NOL4L: variants seen among roughly 807,000 people sequenced by gnomAD.
The protein encoded by NOL4L is nucleolar protein 4-like.
In NOL4L, 7 loss-of-function variants were observed where a neutral mutation model predicts 64.5. That is an observed-to-expected ratio of 0.11 (90% CI 0.06 to 0.20). The LOEUF is 0.20. Ranked by LOEUF, NOL4L falls within the 10% of genes least tolerant of loss-of-function variation. NOL4L has a pLI of 1.00. For synonymous variants in NOL4L, 413 were observed against 401.0 expected, an observed-to-expected ratio of 1.03 and a Z score of -0.36; for missense variants, 680 against 967.1, an observed-to-expected ratio of 0.70 and a Z score of 3.94.
intron 4 of NOL4L, among the ~76,000 whole-genome samples, chr20:32,481,593 C>T (rs1386452981): frequency 6.6e-6 from 1 of 152,114 alleles, no homozygotes; most frequent in Non-Finnish European, 1.5e-5. Context: ...TCCCACTGTG[C>T]GGCAGGAAGG....
At chr20:32,552,682 C>T (rs1326368132) in intron 1 of NOL4L, among the ~76,000 whole-genome samples, 1 of 151,308 alleles carries the variant, frequency 6.6e-6, no homozygotes, top group Non-Finnish European at 1.5e-5. Context: ...AGAGAGACTC[C>T]GTCTCAAAAC....
At chr20:32,515,814 G>A (rs1348214304) in intron 3 of NOL4L, among the ~76,000 whole-genome samples, 1 of 152,154 alleles carries the variant, frequency 6.6e-6, no homozygotes, top group East Asian at 1.9e-4. Context: ...CAAGGGTCAC[G>A]GAGCCTAAAT....
At chr20:32,530,329 CAGG>C (rs1030078763) in intron 1 of NOL4L, among the ~76,000 whole-genome samples, 8 of 151,842 alleles carry the variant, frequency 5.3e-5, no homozygotes, top group African/African-American at 1.9e-4. Context: ...ATCATGAGGT[CAGG>C]AGATCGAGAC....
At chr20:32,535,712 T>C (rs1476969592) in intron 1 of NOL4L, 3 of 985,322 alleles carry the variant, frequency 3.0e-6, no homozygotes, top group Non-Finnish European at 3.6e-6. Context: ...GTCTTTTTTC[T>C]CTTTCTTTTG....
At chr20:32,521,556 A>T (rs1436787882) in intron 2 of NOL4L, among the ~76,000 whole-genome samples, 1 of 152,114 alleles carries the variant, frequency 6.6e-6, no homozygotes. Context: ...ACTAAACCCC[A>T]TGTTCCAGGT....
intron 4 of NOL4L, among the ~76,000 whole-genome samples, chr20:32,488,799 CTTTCT>C (rs1231812014): frequency 1.4e-4 from 5 of 36,528 alleles, no homozygotes; most frequent in African/African-American, 7.4e-4. Flanking sequence ...TCCTTTCTTT[CTTTCT>C]TTTTCTTTCT....
intron 1 of NOL4L, among the ~76,000 whole-genome samples, chr20:32,583,309 GC>G (rs1980614389): frequency 6.6e-6 from 1 of 150,776 alleles, no homozygotes; most frequent in Non-Finnish European, 1.5e-5. Flanking sequence ...CACCCCGCGG[GC>G]CCGGCCCGGG....
At chr20:32,548,832 A>C (rs772348496) in intron 1 of NOL4L, 55 of 452,352 alleles carry the variant, frequency 1.2e-4, no homozygotes, top group Non-Finnish European at 5.8e-5. Context: ...ATGTCCATTA[A>C]CAGGGGACTG....
chr20:32,575,024 G>C (rs1980004763), intron 1 of NOL4L, among the ~76,000 whole-genome samples: 1 of 152,106 alleles, frequency 6.6e-6, no homozygotes, highest in African/African-American at 2.4e-5. Context: ...GAGGAAACCC[G>C]TCACGCCTTT....
At position 32,514,289 on chromosome 20, in the gene NOL4L, G is replaced by A. The variant is rs368331811; in HGVS notation, c.590-2833C>T. Reference sequence around the variant, plus strand: ...GGCGGATCACCCGAGGTCAGGAGTTGGGAGACCAGCCTGACCAACATGACA... The same window carrying A: ...GGCGGATCACCCGAGGTCAGGAGTTAGGAGACCAGCCTGACCAACATGACA... On this transcript the variant is annotated intron_variant, in intron 3 of 10. Coordinates refer to ENST00000621426, the MANE Select transcript of NOL4L (RefSeq NM_001256798.2). Among the ~76,000 whole-genome samples, 3 of 152,138 alleles carry A rather than the reference G, an allele frequency of 2.0e-5. No individual in the cohort carries two copies. In the East Asian group the frequency reaches 5.8e-4, roughly 29 times the overall value.
chr20:32,538,922 C>G (rs1440491440), intron 1 of NOL4L, among the ~76,000 whole-genome samples: 1 of 149,634 alleles, frequency 6.7e-6, no homozygotes, highest in Non-Finnish European at 1.5e-5. Context: ...AAACGACATG[C>G]AAACCGAGCT....
In NOL4L at chr20:32,486,940, A is replaced by G. The variant is rs539376803; in HGVS notation, c.700-12198T>C. On this transcript the variant is annotated intron_variant, in intron 4 of 10. Coordinates refer to ENST00000621426, the MANE Select transcript of NOL4L (RefSeq NM_001256798.2). ...CAGTCTTGGACTCTACAAAACATTCATTGTCACTAATTGACTTTCTAAACG... is the reference window on the plus strand; with the variant it reads ...CAGTCTTGGACTCTACAAAACATTCGTTGTCACTAATTGACTTTCTAAACG... 6 of 348,208 alleles carry G rather than the reference A, an allele frequency of 1.7e-5. No individual in the cohort carries two copies. In the East Asian group the frequency reaches 3.2e-4, roughly 19 times the overall value. 21.6% of individuals were successfully genotyped at this position (348,208 alleles called of 1,614,324 possible). A position where few individuals can be genotyped will look rare whatever the true frequency, so the allele number is the denominator to read the frequency against.
chr20:32,468,904 A>AG, intron 5 of NOL4L, among the ~76,000 whole-genome samples: 2 of 137,252 alleles, frequency 1.5e-5, no homozygotes, highest in East Asian at 2.4e-4. Context: ...CCATCTCAAA[A>AG]AAAAAAAAAA....
intron 5 of NOL4L, among the ~76,000 whole-genome samples, chr20:32,469,606 G>A (rs927974955): frequency 6.6e-6 from 1 of 152,096 alleles, no homozygotes; most frequent in African/African-American, 2.4e-5. Flanking sequence ...CCTGACCTCA[G>A]GTGATCCACC....
At chr20:32,517,276 CCT>C (rs1319443025) in intron 3 of NOL4L, among the ~76,000 whole-genome samples, 2 of 152,242 alleles carry the variant, frequency 1.3e-5, no homozygotes, top group Non-Finnish European at 2.9e-5. Flanking sequence ...CATCCTGTCC[CCT>C]GTCCCCGCTC....
chr20:32,489,109 A>G (rs548533485), intron 4 of NOL4L, among the ~76,000 whole-genome samples: 6 of 145,540 alleles, frequency 4.1e-5, no homozygotes, highest in Non-Finnish European at 9.0e-5. Flanking sequence ...GAAATTTTAC[A>G]TTTTTATATC....
At position 32,450,558 on chromosome 20, in the gene NOL4L, G is replaced by A. The variant is rs547878402; in HGVS notation, c.1822+1678C>T. On this transcript the variant is annotated intron_variant, in intron 10 of 10. Coordinates refer to ENST00000621426, the MANE Select transcript of NOL4L (RefSeq NM_001256798.2). ...CTGGAAGAATCATTCTCTGGCTGCT[G>A]TTTGTGCCTCTTGGGCAGGTGTGAA... The A allele has an allele frequency of 3.3e-5, 5 of 152,476 alleles. No individual in the cohort carries two copies. In the East Asian group the frequency reaches 9.7e-4, roughly 29 times the overall value. 9.4% of individuals were successfully genotyped at this position (152,476 alleles called of 1,614,324 possible). A position where few individuals can be genotyped will look rare whatever the true frequency, so the allele number is the denominator to read the frequency against.
intron 1 of NOL4L, among the ~76,000 whole-genome samples, chr20:32,543,628 A>T (rs181968348): frequency 2.0e-5 from 3 of 151,900 alleles, no homozygotes; most frequent in Non-Finnish European, 4.4e-5. Context: ...CAAAAAAAAA[A>T]AGAAAAAAAA....
intron 1 of NOL4L, among the ~76,000 whole-genome samples, chr20:32,556,277 G>GA (rs1978650333): frequency 6.8e-6 from 1 of 146,294 alleles, no homozygotes; most frequent in Non-Finnish European, 1.5e-5. Flanking sequence ...TCCTTTGTGG[G>GA]GGGGGGGGGT....
Sources: gnomAD v4.1 joint callset for allele counts (sites outside exome capture counted in the v4.1 genomes callset) on GRCh38, gnomAD v4.1.1 for gene constraint, MANE v1.5 for transcripts, NCBI Gene and HGNC (gene_info 2026-07-23, HGNC 2026-07-21) for gene names.